The following CLIC2 variants were observed in gnomAD, a reference collection of about 807,000 sequenced individuals.
CLIC2 encodes the protein CLIC family member 2.
In CLIC2, 9 loss-of-function variants were observed where a neutral mutation model predicts 14.8. The observed-to-expected ratio is 0.61, with a 90% CI of 0.37 to 1.06. The LOEUF (loss-of-function observed/expected upper bound fraction) is 1.06, where lower values mean the gene tolerates loss of function less well. Among genes scored for constraint, CLIC2 ranks in the 50% least tolerant of loss-of-function variants. The pLI is 0.01. For synonymous variants in CLIC2, 61 were observed against 66.3 expected, an observed-to-expected ratio of 0.92 and a Z score of 0.39; for missense variants, 148 against 181.4, an observed-to-expected ratio of 0.82 and a Z score of 1.06.
At chrX:155,280,671 G>C (rs782425072) in intron 3 of CLIC2, among the ~76,000 whole-genome samples, 2 of 110,175 alleles carry the variant, frequency 1.8e-5, no homozygotes, top group South Asian at 7.7e-4. Flanking sequence ...CCAGCCTGGG[G>C]GACAAGTGAA....
intron 1 of CLIC2, among the ~76,000 whole-genome samples, chrX:155,301,338 T>C (rs1405568883): frequency 9.1e-6 from 1 of 110,170 alleles, no homozygotes; most frequent in Non-Finnish European, 1.9e-5. Flanking sequence ...CTCTTTGAAG[T>C]AATTGTGAAT....
chrX:155,305,264 G>C (rs1357860537), intron 1 of CLIC2, among the ~76,000 whole-genome samples: 1 of 112,311 alleles, frequency 8.9e-6, no homozygotes, highest in African/African-American at 3.2e-5. Context: ...CGAGCCAGGT[G>C]CGGGATATGT....
In CLIC2 at chrX:155,278,780, C is replaced by CA. The variant is rs2074907842; in HGVS notation, c.582+368dup. 3 of 144,235 alleles carry CA rather than the reference C, an allele frequency of 2.1e-5. No individual in the cohort carries two copies. The South Asian group carries it at 5.3e-4, about 26-fold the overall frequency. 11.9% of individuals were successfully genotyped at this position (144,235 alleles called of 1,213,427 possible). On this transcript the variant is annotated intron_variant, in intron 5 of 5. Transcript: ENST00000369449. Reference sequence around the variant, plus strand: ...TGAAACCCTGTCTCTACAAAAAGTACAAAAAATTAGCCAGGCGTGGTGGCA... The same window carrying CA: ...TGAAACCCTGTCTCTACAAAAAGTACAAAAAAATTAGCCAGGCGTGGTGGCA...
In CLIC2 at chrX:155,278,065, C is replaced by T; in HGVS notation, c.583-1G>A. On this transcript the variant is annotated splice_acceptor_variant, in intron 5 of 5. Coordinates refer to ENST00000369449, the MANE Select transcript of CLIC2 (RefSeq NM_001289.6). LOFTEE classifies it high-confidence loss of function. Reference sequence around the variant, plus strand: ...AGTCACGATATTTCTTGGCAGCAACCTAGAATTTTGCAAAAAAAAGAGGAA... The same window carrying T: ...AGTCACGATATTTCTTGGCAGCAACTTAGAATTTTGCAAAAAAAAGAGGAA... The T allele has an allele frequency of 8.3e-7, 1 of 1,209,660 alleles. No homozygotes were observed. The highest frequency in any genetic ancestry group is 1.1e-6 in the Non-Finnish European group (1 of 894,511).
chrX:155,298,276 A>G (rs782769060), intron 3 of CLIC2, among the ~76,000 whole-genome samples: 2 of 112,348 alleles, frequency 1.8e-5, no homozygotes, highest in Non-Finnish European at 3.8e-5. Context: ...ACAGCAATAG[A>G]AAATTAATAC....
Position 155,277,428 on chromosome X carries a change from G to T in CLIC2, c.*475C>A. On this transcript the variant is annotated 3_prime_UTR_variant, in exon 6 of 6. Coordinates refer to ENST00000369449, the MANE Select transcript of CLIC2 (RefSeq NM_001289.6). ...TTTAAAAATCATTCTTTAAGAATTT[G>T]CCTCTCTGATATGCTCACTCTCTGT... The T allele has an allele frequency of 8.8e-6, 1 of 113,903 alleles. No individual in the cohort carries two copies. Among genetic ancestry groups the T allele is most frequent in the South Asian group, 3.6e-4 (1 of 2,804 alleles). 9.4% of individuals were successfully genotyped at this position (113,903 alleles called of 1,213,427 possible). A position where few individuals can be genotyped will look rare whatever the true frequency, so the allele number is the denominator to read the frequency against.
chrX:155,292,632 T>C lies in CLIC2; in HGVS notation c.293+6153A>G, dbSNP rs10284177. ...AAAAATACAAAAAATTAGCCGGGCG[T>C]GGTGGCGGGCGCCTGTAGTCCCAGC... is the stretch of plus-strand genomic sequence containing the variant. On this transcript the variant is annotated intron_variant, in intron 3 of 5. Transcript: ENST00000369449. 6.7e-4 allele frequency: 158 copies of C among 235,674 alleles called. 1 individual carries two copies. The highest frequency in any genetic ancestry group is 1.9e-3 in the African/African-American group (56 of 29,909). 19.4% of individuals were successfully genotyped at this position (235,674 alleles called of 1,213,427 possible). A position where few individuals can be genotyped will look rare whatever the true frequency, so the allele number is the denominator to read the frequency against.
chrX:155,285,178 G>A (rs942843376), intron 3 of CLIC2, among the ~76,000 whole-genome samples: 2 of 112,379 alleles, frequency 1.8e-5, no homozygotes, highest in African/African-American at 3.2e-5. Flanking sequence ...GTTGTGGAGG[G>A]CCTTGTAAAA....
At chrX:155,283,812 G>C (rs1557316809) in intron 3 of CLIC2, among the ~76,000 whole-genome samples, 1 of 110,909 alleles carries the variant, frequency 9.0e-6, no homozygotes, top group East Asian at 2.8e-4. Flanking sequence ...TATTGTGGTT[G>C]TTGTTGGTTT....
intron 1 of CLIC2, among the ~76,000 whole-genome samples, chrX:155,332,373 A>G (rs1288430412): frequency 1.8e-5 from 2 of 111,709 alleles, no homozygotes; most frequent in African/African-American, 3.2e-5. Flanking sequence ...AAATAAAACA[A>G]AAACCTGGAC....
At chrX:155,302,775 T>C (rs1202883812) in intron 1 of CLIC2, among the ~76,000 whole-genome samples, 2 of 78,454 alleles carry the variant, frequency 2.5e-5, no homozygotes, top group Non-Finnish European at 5.1e-5. Flanking sequence ...TTCTGGTATG[T>C]TGTGTCTTTG....
chrX:155,279,079 G>A, intron 5 of CLIC2, 70 bp downstream of exon 5: 1 of 842,644 alleles, frequency 1.2e-6, no homozygotes, highest in Non-Finnish European at 1.8e-6. Flanking sequence ...CGCACTGGAA[G>A]GTCACTATGC....
At chrX:155,289,595 CTCTT>C (rs1275248877) in intron 3 of CLIC2, among the ~76,000 whole-genome samples, 2 of 111,963 alleles carry the variant, frequency 1.8e-5, no homozygotes, top group African/African-American at 6.5e-5. Flanking sequence ...ATTTTTAAAA[CTCTT>C]TCAACATTTT....
chrX:155,308,141 G>GT (rs2075062085), intron 1 of CLIC2, among the ~76,000 whole-genome samples: 1 of 109,728 alleles, frequency 9.1e-6, no homozygotes, highest in African/African-American at 3.3e-5. Context: ...CAAAATAACT[G>GT]TTTTGAGGAA....
At chrX:155,291,258 A>T in intron 3 of CLIC2, 1 of 934,722 alleles carries the variant, frequency 1.1e-6, no homozygotes, top group Non-Finnish European at 1.5e-6. Flanking sequence ...ACTATATATG[A>T]TCCAATCATA....
chrX:155,320,678 G>A (rs782266333), intron 1 of CLIC2, among the ~76,000 whole-genome samples: 27 of 111,363 alleles, frequency 2.4e-4, no homozygotes, highest in Non-Finnish European at 4.9e-4. Context: ...ACAACTCCTC[G>A]CTAGCAAGGG....
chrX:155,278,797 G>A (rs906981368), intron 5 of CLIC2: 5 of 157,030 alleles, frequency 3.2e-5, no homozygotes, highest in South Asian at 1.5e-4. Flanking sequence ...TTAGCCAGGC[G>A]TGGTGGCACG....
chrX:155,299,884 T>C (rs1254221087), intron 1 of CLIC2, among the ~76,000 whole-genome samples: 1 of 109,092 alleles, frequency 9.2e-6, no homozygotes, highest in African/African-American at 3.3e-5. Context: ...ATTTCATCCA[T>C]GTCCCTACAA....
At chrX:155,282,016 A>G (rs1359755047) in intron 3 of CLIC2, among the ~76,000 whole-genome samples, 2 of 110,967 alleles carry the variant, frequency 1.8e-5, no homozygotes, top group African/African-American at 6.6e-5. Context: ...ACAGTAGCCT[A>G]TAAGGATCCA....
Sources: allele counts gnomAD v4.1 joint callset (sites outside exome capture counted in the v4.1 genomes callset), GRCh38; gene constraint gnomAD v4.1.1; transcripts MANE v1.5; gene names NCBI Gene and HGNC (gene_info 2026-07-23, HGNC 2026-07-21).